Variants in FBLN5 observed in about 807,000 individuals in gnomAD.
FBLN5 encodes the protein fibulin 5.
In FBLN5, 24 loss-of-function variants were observed where a neutral mutation model predicts 61.6. The ratio of observed to expected loss-of-function variants is 0.39; its 90% CI spans 0.28 to 0.55. The LOEUF is 0.55. FBLN5 is among the 20% of genes least tolerant of loss of function. FBLN5 has a pLI of 0.65. For synonymous variants in FBLN5, 213 were observed against 219.8 expected (o/e 0.97, Z 0.27); for missense variants, 470 against 594.1 (o/e 0.79, Z 2.17).
intron 9 of FBLN5, 114 bp from the exon 10 acceptor site, chr14:91,877,796 T>G: frequency 6.3e-6 from 5 of 793,908 alleles, no homozygotes. Context: ...AGCATCCAAA[T>G]GCCATAACTG....
intron 4 of FBLN5, among the ~76,000 whole-genome samples, chr14:91,915,686 C>CAAAAAAAAA (rs34675184): frequency 4.6e-5 from 2 of 43,742 alleles, no homozygotes; most frequent in African/African-American, 8.6e-5. Flanking sequence ...GACTCCATCT[C>CAAAAAAAAA]AAAAAAAAAA....
In FBLN5 at chr14:91,947,142, T is replaced by C; in HGVS notation, c.17+71A>G. The C allele has an allele frequency of 1.2e-6, 2 of 1,607,674 alleles. No homozygotes were observed. The highest frequency in any genetic ancestry group is 8.5e-7 in the Non-Finnish European group (1 of 1,174,676). On this transcript the variant is annotated intron_variant, in intron 1 of 10. Coordinates refer to ENST00000342058, the MANE Select transcript of FBLN5 (RefSeq NM_006329.4). This position sits in a 1 kb window ranked among gnomAD's most constrained non-coding sequence, Gnocchi z 4.3. ...CCGCCTGAATCGCAGCCATAACCAT[T>C]TTCCACCCATCGGATTTTTAGCAAG... is the stretch of plus-strand genomic sequence containing the variant.
rs550151899 is a variant in FBLN5 at position 91,906,486 on chromosome 14, C to T, written c.380-11414G>A. On this transcript the variant is annotated intron_variant, in intron 4 of 10. Coordinates refer to ENST00000342058, the MANE Select transcript of FBLN5 (RefSeq NM_006329.4). ...CACATGCCCTGGGAGTCTAGAAGTG[C>T]GGGTCACACCCACAAACAGTGCAGG... is the stretch of plus-strand genomic sequence containing the variant. Among the ~76,000 whole-genome samples, 55 of 152,298 alleles carry T rather than the reference C, an allele frequency of 3.6e-4. No homozygotes were observed. In the South Asian group the frequency reaches 4.6e-3, roughly 13 times the overall value.
intron 4 of FBLN5, among the ~76,000 whole-genome samples, chr14:91,911,173 G>C (rs371744087): frequency 6.6e-6 from 1 of 151,970 alleles, no homozygotes; most frequent in Admixed American, 6.6e-5. Flanking sequence ...TAGTAGAGAC[G>C]GGCTTTTCAC....
At position 91,937,059 on chromosome 14, in the gene FBLN5, T is replaced by C. The variant is rs1566828556; in HGVS notation, c.267A>G (p.Ser89=). 1 of 1,613,970 alleles carries C rather than the reference T, an allele frequency of 6.2e-7. No homozygotes were observed. Among genetic ancestry groups the C allele is most frequent in the South Asian group, 1.1e-5 (1 of 91,070 alleles). Residue 89 remains serine (S), a synonymous_variant, in exon 4 of 11, where the codon TCA becomes TCG. Transcript: ENST00000342058. The part of the protein sequence containing the change: ...PYSNPYSTPY[S]GPYPAAAPPL... ...GTGGGGCAGCTGCTGGGTACGGACC[T>C]GAGTAGGGGGTCGAGTAGGGGTTCG...
chr14:91,911,349 C>T (rs191217417), intron 4 of FBLN5, among the ~76,000 whole-genome samples: 2 of 152,266 alleles, frequency 1.3e-5, no homozygotes, highest in African/African-American at 4.8e-5. Flanking sequence ...CCTTCGTTTC[C>T]TCGTTTGTGA....
At position 91,931,972 on chromosome 14, in the gene FBLN5, A is replaced by G. The variant is rs150628070; in HGVS notation, c.379+4975T>C. 6.6e-3 allele frequency among the ~76,000 whole-genome samples: 997 copies of G among 152,210 alleles called. 9 individuals are homozygous for G. Among genetic ancestry groups the G allele is most frequent in the African/African-American group, 0.022 (922 of 41,532 alleles). ...CACACCGTCCTTCTCTGGGATGTCTATGTGGCCAGCTCAGAACTCTACGTA... is the reference window on the plus strand; with the variant it reads ...CACACCGTCCTTCTCTGGGATGTCTGTGTGGCCAGCTCAGAACTCTACGTA... On this transcript the variant is annotated intron_variant, in intron 4 of 10. Transcript: ENST00000342058.
intron 4 of FBLN5, among the ~76,000 whole-genome samples, chr14:91,917,072 A>C (rs1167197084): frequency 6.6e-6 from 1 of 152,200 alleles, no homozygotes; most frequent in Non-Finnish European, 1.5e-5. Context: ...CTCGAGATTA[A>C]GGCAATCTCT....
intron 4 of FBLN5, among the ~76,000 whole-genome samples, chr14:91,931,097 T>C (rs2055914477): frequency 6.6e-6 from 1 of 152,186 alleles, no homozygotes; most frequent in African/African-American, 2.4e-5. Context: ...TATATCCATT[T>C]TACAGATGAG....
chr14:91,928,751 G>A (rs1037791297), intron 4 of FBLN5, among the ~76,000 whole-genome samples: 1 of 148,932 alleles, frequency 6.7e-6, no homozygotes, highest in Non-Finnish European at 1.5e-5. Flanking sequence ...CATCCAGCTT[G>A]GATAACAGAG....
At chr14:91,939,435 G>A (rs1383634339) in intron 3 of FBLN5, among the ~76,000 whole-genome samples, 1 of 150,614 alleles carries the variant, frequency 6.6e-6, no homozygotes, top group Non-Finnish European at 1.5e-5. Context: ...TGCCTCCCAG[G>A]TTCAAACCAT....
chr14:91,870,814 C>A (rs1042462273), intron 10 of FBLN5, among the ~76,000 whole-genome samples: 1 of 152,202 alleles, frequency 6.6e-6, no homozygotes, highest in Non-Finnish European at 1.5e-5. Flanking sequence ...TAGAAGCCAG[C>A]ATGGTGCCTT....
chr14:91,880,787 G>A (rs1889403558), intron 9 of FBLN5, among the ~76,000 whole-genome samples: 1 of 152,046 alleles, frequency 6.6e-6, no homozygotes, highest in African/African-American at 2.4e-5. Context: ...TTGAGCTCAG[G>A]CAATCCACCC....
In FBLN5 at chr14:91,905,355, T is replaced by C. The variant is rs570153245; in HGVS notation, c.380-10283A>G. Reference sequence around the variant, plus strand: ...GGCAGATGTGGCACACAAACAAGCATGTGAGGGCGCTGCAGAGGGCTGGGA... The same window carrying C: ...GGCAGATGTGGCACACAAACAAGCACGTGAGGGCGCTGCAGAGGGCTGGGA... On this transcript the variant is annotated intron_variant, in intron 4 of 10. Coordinates refer to ENST00000342058, the MANE Select transcript of FBLN5 (RefSeq NM_006329.4). Among the ~76,000 whole-genome samples the C allele has an allele frequency of 9.9e-5, 15 of 152,124 alleles. No individual in the cohort carries two copies. In the South Asian group the frequency reaches 2.7e-3, roughly 27 times the overall value.
chr14:91,880,516 AGTGTGCGTGCGTGTGTGT>A (rs1889376380), intron 9 of FBLN5, among the ~76,000 whole-genome samples: 1 of 126,596 alleles, frequency 7.9e-6, no homozygotes, highest in Non-Finnish European at 1.7e-5. Context: ...ACTCTGTGGG[AGTGTGCGTGCGTGTGTGT>A]GTGTGTGTGT....
At chr14:91,919,891 A>G (rs968956355) in intron 4 of FBLN5, among the ~76,000 whole-genome samples, 2 of 152,194 alleles carry the variant, frequency 1.3e-5, no homozygotes, top group Admixed American at 6.6e-5. Context: ...GTACTCTGTT[A>G]TGGCCACCTT....
At chr14:91,919,351 G>A (rs138106038) in intron 4 of FBLN5, among the ~76,000 whole-genome samples, 36 of 78,626 alleles carry the variant, frequency 4.6e-4, no homozygotes, top group South Asian at 1.5e-3. Flanking sequence ...AAAAAAAAAA[G>A]AAAAGAAAAG....
chr14:91,877,371 C>T (rs1415736173), intron 10 of FBLN5, 116 bp downstream of exon 10: 4 of 861,304 alleles, frequency 4.6e-6, no homozygotes, highest in Non-Finnish European at 7.9e-6. Context: ...CCACTCTTCT[C>T]TCTGCCTACC....
rs1389541191 is a variant in FBLN5, at chr14:91,891,312, G to A, written c.528C>T (p.Tyr176=). Residue 176 remains tyrosine, a synonymous_variant, in exon 6 of 11, where the codon TAC becomes TAT. Coordinates refer to ENST00000342058, the MANE Select transcript of FBLN5 (RefSeq NM_006329.4). ...CLDIDECRYG[Y]CQQLCANVPG... ...GAACATTCGCACAGAGCTGCTGGCA[G>A]TAACCATAGCGACATTCATCAATGT... is the stretch of plus-strand genomic sequence containing the variant. 2.5e-6 allele frequency: 4 copies of A among 1,613,392 alleles called. No homozygotes were observed. Among genetic ancestry groups the A allele is most frequent in the Non-Finnish European group, 3.4e-6 (4 of 1,179,436 alleles).
Sources: gnomAD v4.1 joint callset for allele counts (sites outside exome capture counted in the v4.1 genomes callset) on GRCh38, gnomAD v4.1.1 for gene constraint, Gnocchi (gnomAD v3.1) non-coding constraint, MANE v1.5 for transcripts, NCBI Gene and HGNC (gene_info 2026-07-23, HGNC 2026-07-21) for gene names.